The following ADAMTSL5 variants were observed in gnomAD, a reference collection of about 807,000 sequenced individuals.
The protein encoded by ADAMTSL5 is ADAMTS like 5.
In ADAMTSL5, 53 loss-of-function variants were observed where a neutral mutation model predicts 51.7. The ratio of observed to expected loss-of-function variants is 1.03; its 90% CI spans 0.82 to 1.29. The LOEUF is 1.29. Among genes scored for constraint, ADAMTSL5 ranks in the 50% most tolerant of loss-of-function variants. The pLI, the probability that ADAMTSL5 is intolerant of heterozygous loss-of-function variation, is 0.00. For synonymous variants in ADAMTSL5, 285 were observed against 278.7 expected (o/e 1.02, Z -0.23); for missense variants, 770 against 676.2 (o/e 1.14, Z -1.54).
chr19:1,507,025 C>G, intron 9 of ADAMTSL5, 97 bp from the exon 10 acceptor site: 1 of 1,379,286 alleles, frequency 7.3e-7, no homozygotes, highest in Non-Finnish European at 9.8e-7. Context: ...TTGATCCTGT[C>G]TGCCCCCAGC....
Position 1,510,632 on chromosome 19 carries a change from C to A in ADAMTSL5, c.191+7G>T, listed in dbSNP as rs756264436. On this transcript the variant is annotated splice_region_variant and intron_variant, in intron 3 of 11. Transcript: ENST00000330475. ...AGGGGCAGGGACCCCCTCCGGGCCC[C>A]GCTCACCGGAGGCAGCGCCGGCTGC... 9.8e-6 allele frequency: 15 copies of A among 1,532,148 alleles called. No individual in the cohort carries two copies. The highest frequency in any genetic ancestry group is 1.2e-5 in the Non-Finnish European group (14 of 1,138,438). 94.9% of individuals were successfully genotyped at this position (1,532,148 alleles called of 1,614,324 possible). A position where few individuals can be genotyped will look rare whatever the true frequency, so the allele number is the denominator to read the frequency against.
chr19:1,506,164 G>A lies in ADAMTSL5; in HGVS notation c.1267C>T (p.His423Tyr), dbSNP rs780746363. 6.2e-7 allele frequency: 1 copy of A among 1,609,134 alleles called. No individual in the cohort carries two copies. Among genetic ancestry groups the A allele is most frequent in the South Asian group, 1.1e-5 (1 of 90,644 alleles). ...GHCPCPMLAP[H>Y]RDYLMAVQRL... The stretch of plus-strand genomic sequence containing the variant: ...TGGACAGCCATCAGGTAGTCCCGGT[G>A]GGGTGCCAGCATCGGGCAGGGGCAG... Residue 423 changes from histidine to tyrosine, a missense_variant, in exon 12 of 12, where the codon CAC becomes TAC. Coordinates refer to ENST00000330475, the MANE Select transcript of ADAMTSL5 (RefSeq NM_213604.3). The surrounding 1 kb of genome is among the most constrained non-coding windows in gnomAD (Gnocchi z 5.6).
chr19:1,506,711 T>A lies in ADAMTSL5; in HGVS notation c.1042+28A>T. 6.4e-7 allele frequency: 1 copy of A among 1,559,782 alleles called. No individual in the cohort carries two copies. Among genetic ancestry groups the A allele is most frequent in the Non-Finnish European group, 8.7e-7 (1 of 1,151,884 alleles). On this transcript the variant is annotated intron_variant, in intron 10 of 11. Transcript: ENST00000330475. This position sits in a 1 kb window ranked among gnomAD's most constrained non-coding sequence, Gnocchi z 5.6. ...GGGCACAGGCCTCAGTCCCCACTCA[T>A]CCCCCACCCTGGCTGTCCCCACCTC...
chr19:1,507,521 C>A (rs1472354573), intron 8 of ADAMTSL5, 36 bp downstream of exon 8: 1 of 1,608,558 alleles, frequency 6.2e-7, no homozygotes, highest in East Asian at 2.2e-5. Flanking sequence ...CCCCGGGTGC[C>A]CAGCCGGGTG....
In ADAMTSL5 at chr19:1,508,127, G is replaced by A; in HGVS notation, c.490-18C>T. On this transcript the variant is annotated intron_variant, in intron 6 of 11. Transcript: ENST00000330475. ...CCGGCGCTCTAAAGGGTGAAGGACA[G>A]GCGCGGCGTCACTGACGCTGGGAGG... The A allele has an allele frequency of 1.3e-6, 2 of 1,595,080 alleles. No individual in the cohort carries two copies. Among genetic ancestry groups the A allele is most frequent in the Non-Finnish European group, 1.7e-6 (2 of 1,170,134 alleles).
In ADAMTSL5 at chr19:1,506,025, C is replaced by T. The variant is rs778320975; in HGVS notation, c.1406G>A (p.Cys469Tyr). ...GGCTCCTGCAGGGGCTCAGCCAGGA[C>T]AGCGCCGGGCAGTCAGGCGTATGCG... ...DSRIRLTARR[C>Y]PG is the part of the protein sequence containing the mutation. Residue 469 changes from cysteine (C) to tyrosine (Y), a missense_variant, in exon 12 of 12, where the codon TGT becomes TAT. Coordinates refer to ENST00000330475, the MANE Select transcript of ADAMTSL5 (RefSeq NM_213604.3). This position sits in a 1 kb window ranked among gnomAD's most constrained non-coding sequence, Gnocchi z 5.6. 9.6e-6 allele frequency: 15 copies of T among 1,567,336 alleles called. No homozygotes were observed. The African/African-American group carries it at 2.0e-4, about 21-fold the overall frequency.
rs1913189339 is a variant in ADAMTSL5 at position 1,510,274 on chromosome 19, G to T, written c.253-16C>A. ...GGGGGCAGTCCTAGGGACAGAGATA[G>T]GTGAGCCAGAGGCTGGGACAACCCC... is the stretch of plus-strand genomic sequence containing the variant. On this transcript the variant is annotated splice_polypyrimidine_tract_variant and intron_variant, in intron 4 of 11. Transcript: ENST00000330475. The T allele has an allele frequency of 1.2e-6, 2 of 1,613,030 alleles. No individual in the cohort carries two copies. Among genetic ancestry groups the T allele is most frequent in the Non-Finnish European group, 1.7e-6 (2 of 1,179,614 alleles).
At chr19:1,512,551 A>G (rs1038400339) in intron 1 of ADAMTSL5, among the ~76,000 whole-genome samples, 1 of 152,220 alleles carries the variant, frequency 6.6e-6, no homozygotes, top group Admixed American at 6.5e-5. Context: ...GTGGTGGTGC[A>G]CACCTGTAAT....
intron 5 of ADAMTSL5, 150 bp downstream of exon 5, chr19:1,510,000 T>C (rs1913173238): frequency 1.1e-5 from 7 of 649,650 alleles, no homozygotes; most frequent in Non-Finnish European, 1.8e-5. Flanking sequence ...GCCTAACATA[T>C]GCTGTTTCTG....
In ADAMTSL5 at chr19:1,508,101, G is replaced by C; in HGVS notation, c.498C>G (p.Gly166=). 6.2e-7 allele frequency: 1 copy of C among 1,609,130 alleles called. No individual in the cohort carries two copies. Among genetic ancestry groups the C allele is most frequent in the South Asian group, 1.1e-5 (1 of 90,538 alleles). ...VCVAGRCLSA[G]CDGLLGSGAL... ...CACCCGAGCCCAACAACCCATCACA[G>C]CCGGCGCTCTAAAGGGTGAAGGACA... is the stretch of plus-strand genomic sequence containing the variant. The change falls in exon 7 of 12, where the codon GGC becomes GGG. Residue 166 remains glycine (G), a synonymous_variant. Coordinates refer to ENST00000330475, the MANE Select transcript of ADAMTSL5 (RefSeq NM_213604.3).
chr19:1,509,995 A>G (rs1913172726), intron 5 of ADAMTSL5, among the ~76,000 whole-genome samples, 155 bp downstream of exon 5: 2 of 152,152 alleles, frequency 1.3e-5, no homozygotes, highest in South Asian at 4.1e-4. Context: ...TTCACGCCTA[A>G]CATATGCTGT....
At position 1,510,159 on chromosome 19, in the gene ADAMTSL5, A is replaced by C; in HGVS notation, c.352T>G (p.Phe118Val). 6.2e-7 allele frequency: 1 copy of C among 1,610,778 alleles called. No homozygotes were observed. The highest frequency in any genetic ancestry group is 2.2e-5 in the East Asian group (1 of 44,856). ...GTQKTYQWVP[F>V]HGAPNQCDLN... ...AGACCAGACTACTCACCCCCATGGA[A>C]GGGCACCCACTGGTAGGTCTTCTGG... The change falls in exon 5 of 12, where the codon TTC becomes GTC. Residue 118 changes from phenylalanine to valine, a missense_variant. Transcript: ENST00000330475.
chr19:1,510,759 C>T, intron 2 of ADAMTSL5, 29 bp from the exon 3 acceptor site: 1 of 1,522,252 alleles, frequency 6.6e-7, no homozygotes, highest in Non-Finnish European at 8.8e-7. Context: ...GCACGGTCAG[C>T]CTTGTAGGGG....
In ADAMTSL5 at chr19:1,506,814, G is replaced by A. The variant is rs1303159996; in HGVS notation, c.967C>T (p.Gln323Ter). 2 of 1,541,246 alleles carry A rather than the reference G, an allele frequency of 1.3e-6. No homozygotes were observed. Among genetic ancestry groups the A allele is most frequent in the Middle Eastern group, 1.8e-4 (1 of 5,642 alleles). The change falls in exon 10 of 12, where the codon CAG (glutamine) becomes TAG (stop). Residue 323 changes from glutamine to a stop codon, truncating the protein, a stop_gained. Coordinates refer to ENST00000330475, the MANE Select transcript of ADAMTSL5 (RefSeq NM_213604.3). LOFTEE classifies it high-confidence loss of function. The surrounding 1 kb of genome is among the most constrained non-coding windows in gnomAD (Gnocchi z 5.6). Reference protein sequence around the residue: ...QALGWPLRQPQPRGVEPQPPA... With the variant: ...QALGWPLRQP ...GGCTGAGGCTCCACCCCCCGGGGCT[G>A]AGGCTGCCTCAGGGGCCAGCCCAGG...
Position 1,507,283 on chromosome 19 carries a change from A to G in ADAMTSL5, c.811T>C (p.Leu271=). The G allele has an allele frequency of 6.4e-7, 1 of 1,568,050 alleles. No homozygotes were observed. Among genetic ancestry groups the G allele is most frequent in the Non-Finnish European group, 8.6e-7 (1 of 1,157,264 alleles). The change falls in exon 9 of 12, where the codon TTG becomes CTG. Residue 271 remains leucine (L), a synonymous_variant. Coordinates refer to ENST00000330475, the MANE Select transcript of ADAMTSL5 (RefSeq NM_213604.3). The part of the protein sequence containing the change: ...YTRDTGPQET[L]QAAGPTSHDL... Reference sequence around the variant, plus strand: ...TGGGAGGTGGGCCCGGCTGCTTGCAATGTCTCCTGGGGCCCTGTGTCTCGG... The same window carrying G: ...TGGGAGGTGGGCCCGGCTGCTTGCAGTGTCTCCTGGGGCCCTGTGTCTCGG...
chr19:1,511,097 G>A lies in ADAMTSL5; in HGVS notation c.-154C>T, dbSNP rs940242783. The A allele has an allele frequency of 4.0e-6, 2 of 493,910 alleles. No homozygotes were observed. The highest frequency in any genetic ancestry group is 3.5e-5 in the East Asian group (1 of 28,568). The allele number at this position is 493,910 out of a possible 1,614,324, so 30.6% of individuals were successfully genotyped here. A position where few individuals can be genotyped will look rare whatever the true frequency, so the allele number is the denominator to read the frequency against. ...TTACAGGAAAGTTGAGGGGTCCTGTGGATCAGGTAAAGAAGACAGGAGACG... is the reference window on the plus strand; with the variant it reads ...TTACAGGAAAGTTGAGGGGTCCTGTAGATCAGGTAAAGAAGACAGGAGACG... On this transcript the variant is annotated 5_prime_UTR_variant, in exon 2 of 12. Transcript: ENST00000330475.
At chr19:1,511,884 C>T (rs1157354165) in intron 1 of ADAMTSL5, 7 of 281,910 alleles carry the variant, frequency 2.5e-5, no homozygotes, top group South Asian at 6.1e-5. Context: ...GGCCCAGGTC[C>T]GTTCGGTGCC....
rs748813538 is a variant in ADAMTSL5, at chr19:1,510,875, C to T, written c.69G>A (p.Leu23=). Residue 23 remains leucine, a synonymous_variant, in exon 2 of 12, where the codon CTG becomes CTA. Coordinates refer to ENST00000330475, the MANE Select transcript of ADAMTSL5 (RefSeq NM_213604.3). ...FQNLLLFLWA[L]LNCGLGVSAQ... ...CACTGACCCCCAAACCACAGTTCAGCAGGGCCCACAGGAAGAGCAGGAGGT... is the reference window on the plus strand; with the variant it reads ...CACTGACCCCCAAACCACAGTTCAGTAGGGCCCACAGGAAGAGCAGGAGGT... 2.0e-6 allele frequency: 3 copies of T among 1,533,972 alleles called. No individual in the cohort carries two copies. Among genetic ancestry groups the T allele is most frequent in the Admixed American group, 2.1e-5 (1 of 46,744 alleles).
chr19:1,507,379 C>T lies in ADAMTSL5; in HGVS notation c.715G>A (p.Val239Met), dbSNP rs201387312. The T allele has an allele frequency of 7.6e-6, 12 of 1,576,704 alleles. No individual in the cohort carries two copies. Among genetic ancestry groups the T allele is most frequent in the African/African-American group, 1.3e-5 (1 of 74,126 alleles). Residue 239 changes from valine (V) to methionine (M), a missense_variant, in exon 9 of 12, where the codon GTG becomes ATG. Coordinates refer to ENST00000330475, the MANE Select transcript of ADAMTSL5 (RefSeq NM_213604.3). Reference protein sequence around the residue: ...LALMGGDGRYVLNGHWVVSPP... With the variant: ...LALMGGDGRYMLNGHWVVSPP... Reference sequence around the variant, plus strand: ...CTGACCACCCAGTGCCCATTAAGCACGTAGCGCCCATCGCCCCCCATCAGT... The same window carrying T: ...CTGACCACCCAGTGCCCATTAAGCATGTAGCGCCCATCGCCCCCCATCAGT...
Sources: allele counts gnomAD v4.1 joint callset (sites outside exome capture counted in the v4.1 genomes callset), GRCh38; gene constraint gnomAD v4.1.1; non-coding constraint Gnocchi (gnomAD v3.1); transcripts MANE v1.5; gene names NCBI Gene and HGNC (gene_info 2026-07-23, HGNC 2026-07-21).